Variants in FANCC observed in about 807,000 individuals in gnomAD.
FANCC encodes the protein Fanconi anemia group C protein.
Under a neutral mutation model 71.3 loss-of-function variants are expected in FANCC, and 55 were observed. The observed-to-expected ratio is 0.77, with a 90% confidence interval of 0.62 to 0.97. FANCC has a LOEUF of 0.97. Among genes scored for constraint, FANCC ranks in the 50% least tolerant of loss-of-function variants. The pLI is 0.00. For synonymous variants in FANCC, 275 were observed against 244.9 expected, an observed-to-expected ratio of 1.12 and a Z score of -1.15; for missense variants, 678 against 670.9, an observed-to-expected ratio of 1.01 and a Z score of -0.12.
At chr9:95,257,073 G>A (rs1168224076) in intron 1 of FANCC, among the ~76,000 whole-genome samples, 2 of 152,062 alleles carry the variant, frequency 1.3e-5, no homozygotes, top group African/African-American at 4.8e-5. Context: ...TCAGACTCCC[G>A]CACAATAACA....
chr9:95,198,066 C>T (rs776359014), intron 4 of FANCC, among the ~76,000 whole-genome samples: 4 of 152,164 alleles, frequency 2.6e-5, no homozygotes, highest in Non-Finnish European at 5.9e-5. Flanking sequence ...GGGCTCCATG[C>T]CAGAGTCTTG....
chr9:95,223,424 A>C (rs932831790), intron 4 of FANCC, among the ~76,000 whole-genome samples: 3 of 152,168 alleles, frequency 2.0e-5, no homozygotes, highest in African/African-American at 7.2e-5. Context: ...CCCTCTTTAT[A>C]AAGACAAGAG....
At chr9:95,225,917 A>G (rs1055905133) in intron 4 of FANCC, among the ~76,000 whole-genome samples, 2 of 152,212 alleles carry the variant, frequency 1.3e-5, no homozygotes, top group Non-Finnish European at 2.9e-5. Flanking sequence ...CCCACAAAAC[A>G]TGCACATATA....
chr9:95,234,900 G>T (rs2136014718), intron 4 of FANCC, among the ~76,000 whole-genome samples: 1 of 152,284 alleles, frequency 6.6e-6, no homozygotes, highest in South Asian at 2.1e-4. Flanking sequence ...CAGGCAGGAG[G>T]ACTTCTCTCT....
In FANCC at chr9:95,172,031, A is replaced by G; in HGVS notation, c.456+6T>C. 6.5e-7 allele frequency: 1 copy of G among 1,533,168 alleles called. No individual in the cohort carries two copies. Among genetic ancestry groups the G allele is most frequent in the Non-Finnish European group, 9.0e-7 (1 of 1,106,894 alleles). 95.0% of individuals were successfully genotyped at this position (1,533,168 alleles called of 1,614,324 possible). ...ATTTCAAAAGTGATAAATTTTAAAT[A>G]CTCACATTTTTAAGCAAACCAGGAT... On this transcript the variant is annotated splice_donor_region_variant and intron_variant, in intron 5 of 14. Transcript: ENST00000289081.
At chr9:95,299,444 G>A (rs1010109918) in intron 1 of FANCC, among the ~76,000 whole-genome samples, 4 of 152,180 alleles carry the variant, frequency 2.6e-5, no homozygotes, top group African/African-American at 7.2e-5. Flanking sequence ...TACTGAAACC[G>A]TTATCCACAT....
At chr9:95,213,817 G>A (rs984290569) in intron 4 of FANCC, among the ~76,000 whole-genome samples, 3 of 152,086 alleles carry the variant, frequency 2.0e-5, no homozygotes, top group Non-Finnish European at 4.4e-5. Flanking sequence ...TCAAATAGTC[G>A]AAATTTAAAA....
chr9:95,136,013 C>A (rs958573173), intron 7 of FANCC, among the ~76,000 whole-genome samples: 1 of 152,162 alleles, frequency 6.6e-6, no homozygotes, highest in Non-Finnish European at 1.5e-5. Context: ...TGCAACAACA[C>A]ACGTACAGTG....
chr9:95,267,932 C>T (rs1432367873), intron 1 of FANCC, among the ~76,000 whole-genome samples: 2 of 152,206 alleles, frequency 1.3e-5, no homozygotes, highest in African/African-American at 4.8e-5. Context: ...TCTGTCTTGA[C>T]AAAACACACT....
chr9:95,150,214 C>T lies in FANCC; in HGVS notation c.522-127G>A, dbSNP rs904151558. 4.8e-5 allele frequency: 41 copies of T among 852,424 alleles called. No homozygotes were observed. In the African/African-American group the frequency reaches 5.9e-4, roughly 12 times the overall value. 52.8% of individuals were successfully genotyped at this position (852,424 alleles called of 1,614,324 possible). On this transcript the variant is annotated intron_variant, in intron 6 of 14. Transcript: ENST00000289081. ...TTTTGCCTCTAAATAAAGAGAATGA[C>T]TCTAACACCATCGATGAACACTTCT... is the stretch of plus-strand genomic sequence containing the variant.
At chr9:95,132,595 A>G (rs1265812242) in intron 8 of FANCC, among the ~76,000 whole-genome samples, 1 of 152,246 alleles carries the variant, frequency 6.6e-6, no homozygotes, top group Non-Finnish European at 1.5e-5. Context: ...GGCAGACAGC[A>G]TGACTCGACA....
intron 1 of FANCC, among the ~76,000 whole-genome samples, chr9:95,271,927 CTTTTTTTTTTTT>C (rs869093626): frequency 0.018 from 899 of 50,516 alleles, 49 homozygotes; most frequent in Admixed American, 0.026. Context: ...CAAGCCTCTT[CTTTTTTTTTTTT>C]TTTTTTTTTT....
intron 4 of FANCC, among the ~76,000 whole-genome samples, chr9:95,201,387 C>T (rs939400856): frequency 3.9e-5 from 6 of 151,988 alleles, no homozygotes; most frequent in Non-Finnish European, 8.8e-5. Flanking sequence ...TGGAACTGTT[C>T]CAAGGCGTGA....
chr9:95,186,046 A>G (rs1329087104), intron 4 of FANCC, among the ~76,000 whole-genome samples: 3 of 152,136 alleles, frequency 2.0e-5, no homozygotes, highest in Admixed American at 2.0e-4. Flanking sequence ...ATGGGCTCTC[A>G]GTATGTTGCT....
chr9:95,226,079 C>A (rs1051731909), intron 4 of FANCC, among the ~76,000 whole-genome samples: 1 of 152,140 alleles, frequency 6.6e-6, no homozygotes, highest in African/African-American at 2.4e-5. Context: ...ATTTACACTG[C>A]AAAACTATGA....
chr9:95,249,410 C>G, intron 1 of FANCC, 41 bp from the exon 2 acceptor site: 6 of 1,030,722 alleles, frequency 5.8e-6, no homozygotes, highest in Non-Finnish European at 8.9e-6. Context: ...CTAAAAGGCT[C>G]TTTTATCAGT....
chr9:95,246,006 A>G (rs1237094918), intron 3 of FANCC, among the ~76,000 whole-genome samples: 1 of 152,120 alleles, frequency 6.6e-6, no homozygotes. Context: ...GGGGGGTGCC[A>G]TTGTATGCAT....
chr9:95,151,533 AG>A (rs1347139362), intron 6 of FANCC, among the ~76,000 whole-genome samples: 18 of 152,318 alleles, frequency 1.2e-4, no homozygotes, highest in African/African-American at 4.3e-4. Context: ...CACTATCAGT[AG>A]GCACTGAGGC....
chr9:95,247,385 C>T, intron 3 of FANCC, 47 bp downstream of exon 3: 10 of 1,389,864 alleles, frequency 7.2e-6, no homozygotes, highest in Non-Finnish European at 1.0e-5. Flanking sequence ...TGAAACAATG[C>T]AAAGATTAAA....
Sources: allele counts gnomAD v4.1 joint callset (sites outside exome capture counted in the v4.1 genomes callset), GRCh38; gene constraint gnomAD v4.1.1; transcripts MANE v1.5; gene names NCBI Gene and HGNC (gene_info 2026-07-23, HGNC 2026-07-21).